The following MALRD1 variants were observed in gnomAD, a reference collection of about 807,000 sequenced individuals.
MALRD1 encodes the protein MAM and LDL-receptor class A domain-containing protein 1.
A neutral mutation model predicts 242.1 loss-of-function variants in MALRD1; 247 were observed. The observed-to-expected ratio is 1.02, with a 90% CI of 0.92 to 1.13. The LOEUF is 1.13. Ranked by LOEUF, MALRD1 falls within the 50% of genes most tolerant of loss-of-function variation. MALRD1 has a pLI of 0.00. For missense variants in MALRD1, 2,989 were observed against 2,533.1 expected (o/e 1.18, Z -3.86); for synonymous variants, 995 against 866.6 (o/e 1.15, Z -2.60).
chr10:19,489,251 C>G (rs1485897495), intron 29 of MALRD1: 7 of 478,970 alleles, frequency 1.5e-5, no homozygotes, highest in African/African-American at 8.0e-5. Context: ...CAAAAAAGCA[C>G]AAACAAAAGG....
intron 29 of MALRD1, among the ~76,000 whole-genome samples, chr10:19,450,779 C>A (rs1835279214): frequency 6.6e-6 from 1 of 152,146 alleles, no homozygotes; most frequent in African/African-American, 2.4e-5. Flanking sequence ...TCAAGACAGG[C>A]AGATTTGGTA....
intron 21 of MALRD1, among the ~76,000 whole-genome samples, chr10:19,317,463 C>T (rs2132014993): frequency 6.6e-6 from 1 of 152,074 alleles, no homozygotes; most frequent in Non-Finnish European, 1.5e-5. Context: ...CAGACCATAG[C>T]AAGTTTTTTG....
intron 33 of MALRD1, among the ~76,000 whole-genome samples, chr10:19,584,927 T>A (rs1837311339): frequency 6.6e-6 from 1 of 152,064 alleles, no homozygotes; most frequent in African/African-American, 2.4e-5. Flanking sequence ...GGTGCATATA[T>A]ATTTAGGATA....
intron 27 of MALRD1, 72 bp from the exon 28 acceptor site, chr10:19,389,380 C>T: frequency 6.9e-7 from 1 of 1,457,658 alleles, no homozygotes; most frequent in Non-Finnish European, 9.4e-7. Context: ...AAGACCCTAA[C>T]TATGATGGAA....
chr10:19,378,048 T>G (rs568772585), intron 26 of MALRD1, among the ~76,000 whole-genome samples: 1 of 152,242 alleles, frequency 6.6e-6, no homozygotes, highest in African/African-American at 2.4e-5. Flanking sequence ...TTGACATTTT[T>G]CTGTCCCTAC....
chr10:19,063,150 C>A (rs551925920), intron 1 of MALRD1, among the ~76,000 whole-genome samples: 18 of 150,990 alleles, frequency 1.2e-4, no homozygotes, highest in South Asian at 1.0e-3. Flanking sequence ...TGTCCCCCCC[C>A]CAAAAAAAAA....
intron 32 of MALRD1, among the ~76,000 whole-genome samples, chr10:19,562,635 A>G (rs573569532): frequency 2.9e-4 from 44 of 152,186 alleles, no homozygotes; most frequent in Non-Finnish European, 4.7e-4. Flanking sequence ...AGTTTGTCCT[A>G]TGACCTCAAT....
chr10:19,556,242 T>A (rs1835711315), intron 32 of MALRD1, among the ~76,000 whole-genome samples: 1 of 152,136 alleles, frequency 6.6e-6, no homozygotes, highest in Non-Finnish European at 1.5e-5. Context: ...ATTAACATCT[T>A]CCATTAGTAT....
intron 2 of MALRD1, among the ~76,000 whole-genome samples, chr10:19,085,263 C>T (rs184560451): frequency 4.5e-4 from 69 of 151,892 alleles, no homozygotes; most frequent in Admixed American, 1.7e-3. Flanking sequence ...TCATAAACAG[C>T]CATGATGAAA....
At chr10:19,101,614 A>G (rs1197711912) in intron 4 of MALRD1, among the ~76,000 whole-genome samples, 2 of 135,714 alleles carry the variant, frequency 1.5e-5, no homozygotes, top group Non-Finnish European at 3.1e-5. Context: ...TTATGTATAT[A>G]TACATATATA....
chr10:19,151,613 A>G (rs1224918631), intron 11 of MALRD1, among the ~76,000 whole-genome samples: 1 of 152,166 alleles, frequency 6.6e-6, no homozygotes, highest in African/African-American at 2.4e-5. Context: ...TCTCTCTCAG[A>G]GGAAAAGCTG....
chr10:19,331,963 TCAA>T (rs1410250624), intron 24 of MALRD1, among the ~76,000 whole-genome samples: 3 of 152,108 alleles, frequency 2.0e-5, no homozygotes, highest in Non-Finnish European at 4.4e-5. Context: ...CCTCCCAGGT[TCAA>T]GTGATTGTCC....
Position 19,407,713 on chromosome 10 carries a change from T to G in MALRD1, c.4845+18104T>G, listed in dbSNP as rs187191912. Among the ~76,000 whole-genome samples, 944 of 152,306 alleles carry G rather than the reference T, an allele frequency of 6.2e-3. 3 individuals are homozygous for G. Among genetic ancestry groups the G allele is most frequent in the Non-Finnish European group, 1.0e-2 (677 of 68,030 alleles). On this transcript the variant is annotated intron_variant, in intron 28 of 39. Transcript: ENST00000454679. ...AGCTAATACCAAGGATTCCTATGGA[T>G]GTGGAACAAACAATTAAAAATTTAG...
chr10:19,102,102 T>C (rs868756374), intron 4 of MALRD1, among the ~76,000 whole-genome samples: 6 of 146,170 alleles, frequency 4.1e-5, no homozygotes, highest in South Asian at 2.1e-4. Flanking sequence ...TATTATATCA[T>C]ATATGATATA....
chr10:19,169,969 T>C (rs1834853333), intron 13 of MALRD1, among the ~76,000 whole-genome samples: 1 of 152,208 alleles, frequency 6.6e-6, no homozygotes, highest in Non-Finnish European at 1.5e-5. Context: ...TGTGTTCCCT[T>C]TTAGCCATGA....
chr10:19,364,352 C>G lies in MALRD1; in HGVS notation c.4441+12055C>G, dbSNP rs560436045. 1.2e-3 allele frequency among the ~76,000 whole-genome samples: 190 copies of G among 152,114 alleles called. 2 individuals are homozygous for G. Among genetic ancestry groups the G allele is most frequent in the Admixed American group, 6.9e-3 (105 of 15,250 alleles). On this transcript the variant is annotated intron_variant, in intron 26 of 39. Coordinates refer to ENST00000454679, the MANE Select transcript of MALRD1 (RefSeq NM_001142308.3). ...AGGAATGAAATCATTGCATAATTCCCAAAAATATGCTCCTGTATCACAAAT... is the reference window on the plus strand; with the variant it reads ...AGGAATGAAATCATTGCATAATTCCGAAAAATATGCTCCTGTATCACAAAT...
chr10:19,452,052 C>G (rs1303997618), intron 29 of MALRD1, among the ~76,000 whole-genome samples: 2 of 152,082 alleles, frequency 1.3e-5, no homozygotes, highest in African/African-American at 4.8e-5. Flanking sequence ...TAGTAACTTT[C>G]CAAGTAATAT....
intron 18 of MALRD1, among the ~76,000 whole-genome samples, chr10:19,252,793 A>G (rs1839353224): frequency 1.3e-5 from 2 of 152,042 alleles, no homozygotes; most frequent in South Asian, 2.1e-4. Flanking sequence ...AGCTTTGTGT[A>G]TGTGATAGAG....
chr10:19,417,890 C>T (rs1833570542), intron 28 of MALRD1, among the ~76,000 whole-genome samples: 1 of 151,978 alleles, frequency 6.6e-6, no homozygotes, highest in Admixed American at 6.6e-5. Context: ...TATAGTGAAA[C>T]CATCATTTCC....
Sources: allele counts gnomAD v4.1 joint callset (sites outside exome capture counted in the v4.1 genomes callset), GRCh38; gene constraint gnomAD v4.1.1; transcripts MANE v1.5; gene names NCBI Gene and HGNC (gene_info 2026-07-23, HGNC 2026-07-21).